Variants in RELL1 observed in about 807,000 individuals in gnomAD.
The protein encoded by RELL1 is RELT-like protein 1.
In RELL1, 10 loss-of-function variants were observed where a neutral mutation model predicts 23.0. The ratio of observed to expected loss-of-function variants is 0.43; its 90% CI spans 0.27 to 0.74. The LOEUF (loss-of-function observed/expected upper bound fraction) is 0.74. Ranked by LOEUF, RELL1 falls within the 30% of genes least tolerant of loss-of-function variation. RELL1 has a pLI of 0.19. For missense variants in RELL1, 315 were observed against 364.4 expected (o/e 0.86, Z 1.10); for synonymous variants, 146 against 146.8 (o/e 0.99, Z 0.04).
intron 1 of RELL1, among the ~76,000 whole-genome samples, chr4:37,682,897 A>G (rs955959584): frequency 6.6e-6 from 1 of 152,250 alleles, no homozygotes; most frequent in Admixed American, 6.5e-5. Flanking sequence ...GGCTATGCCC[A>G]CTGTCTGAGA....
intron 6 of RELL1, among the ~76,000 whole-genome samples, chr4:37,595,071 CTA>C (rs1718785295): frequency 1.3e-5 from 2 of 152,084 alleles, no homozygotes; most frequent in Non-Finnish European, 1.5e-5. Flanking sequence ...TTTTTTTTCT[CTA>C]GATTAAACCT....
chr4:37,663,658 C>T (rs34414475), intron 1 of RELL1, among the ~76,000 whole-genome samples: 89,667 of 152,042 alleles, frequency 0.59, 29,265 homozygotes, highest in East Asian at 0.8. Flanking sequence ...ATGAGGCACA[C>T]GGGTTCAATA....
intron 6 of RELL1, among the ~76,000 whole-genome samples, chr4:37,594,903 G>A (rs1268896023): frequency 1.3e-5 from 2 of 152,218 alleles, no homozygotes; most frequent in South Asian, 2.1e-4. Flanking sequence ...TCGTCTGTGT[G>A]CAACCATGCA....
chr4:37,678,020 AAG>A (rs1379667789), intron 1 of RELL1, among the ~76,000 whole-genome samples: 8 of 152,332 alleles, frequency 5.3e-5, no homozygotes, highest in African/African-American at 1.7e-4. Flanking sequence ...TTTTTAAAAA[AAG>A]AGGTTTAATT....
intron 6 of RELL1, among the ~76,000 whole-genome samples, chr4:37,614,118 A>C (rs570258101): frequency 4.6e-5 from 7 of 152,386 alleles, no homozygotes; most frequent in African/African-American, 1.7e-4. Context: ...CCCAGCTTGC[A>C]GAAATATGAA....
chr4:37,622,946 A>C, intron 6 of RELL1: 1 of 398,694 alleles, frequency 2.5e-6, no homozygotes, highest in South Asian at 1.9e-5. Context: ...CTGGGACTAC[A>C]GGTGCCCGCC....
At chr4:37,667,793 A>C (rs1211293456) in intron 1 of RELL1, among the ~76,000 whole-genome samples, 1 of 152,108 alleles carries the variant, frequency 6.6e-6, no homozygotes, top group Admixed American at 6.5e-5. Flanking sequence ...TTTGTAAGAT[A>C]CAAAATTAAA....
chr4:37,593,330 GTATCAATGACCCACA>G (rs1395248023), intron 6 of RELL1, among the ~76,000 whole-genome samples: 487 of 152,184 alleles, frequency 3.2e-3, no homozygotes, highest in African/African-American at 0.011. Flanking sequence ...ACTGGCCCGT[GTATCAATGACCCACA>G]TATCAATGAC....
At chr4:37,607,100 G>A (rs1025848315), downstream of RELL1, among the ~76,000 whole-genome samples, 8 of 152,180 alleles carry the variant, frequency 5.3e-5, no homozygotes, top group African/African-American at 1.9e-4. Flanking sequence ...CAAAAGAACT[G>A]ATCAGTACAT....
intron 1 of RELL1, among the ~76,000 whole-genome samples, chr4:37,685,811 G>C (rs1428700608): frequency 1.3e-5 from 2 of 152,250 alleles, no homozygotes; most frequent in African/African-American, 4.8e-5. Context: ...TCTGTGTCAC[G>C]ATCTTCCGCT....
downstream of RELL1, among the ~76,000 whole-genome samples, chr4:37,607,290 T>A (rs531511558): frequency 1.3e-5 from 2 of 152,132 alleles, no homozygotes; most frequent in Non-Finnish European, 2.9e-5. Flanking sequence ...CCACTGTTAG[T>A]TTTTTAGTTG....
chr4:37,632,266 G>A (rs1202201900), intron 5 of RELL1, among the ~76,000 whole-genome samples: 2 of 151,762 alleles, frequency 1.3e-5, no homozygotes, highest in Non-Finnish European at 2.9e-5. Context: ...CCACCTCCTG[G>A]GTTTAAGCGA....
chr4:37,604,810 G>GACACACACACACACAC (rs199773530), intron 6 of RELL1, among the ~76,000 whole-genome samples: 14 of 73,612 alleles, frequency 1.9e-4, no homozygotes, highest in Admixed American at 6.1e-4. Context: ...CACACACACA[G>GACACACACACACACAC]ACACACACAC....
At chr4:37,616,850 C>T (rs1271498005) in intron 6 of RELL1, among the ~76,000 whole-genome samples, 1 of 152,184 alleles carries the variant, frequency 6.6e-6, no homozygotes, top group African/African-American at 2.4e-5. Context: ...TGCAGTTACA[C>T]GCTTGCAGGT....
At chr4:37,685,224 C>T (rs535365226) in intron 1 of RELL1, among the ~76,000 whole-genome samples, 18 of 152,284 alleles carry the variant, frequency 1.2e-4, no homozygotes, top group African/African-American at 3.1e-4. Context: ...TGTTGAAAGG[C>T]TTCCAGTTGC....
At chr4:37,675,769 G>C (rs146243649) in intron 1 of RELL1, among the ~76,000 whole-genome samples, 2 of 152,316 alleles carry the variant, frequency 1.3e-5, no homozygotes, top group East Asian at 3.9e-4. Context: ...AAGAAGAGGA[G>C]AGGGGATTCC....
chr4:37,592,301 G>A (rs1172993316), intron 6 of RELL1, among the ~76,000 whole-genome samples: 1 of 150,280 alleles, frequency 6.7e-6, no homozygotes, highest in East Asian at 1.9e-4. Flanking sequence ...AGGATTGCCA[G>A]GGCCAGGAAT....
At chr4:37,614,831 G>T (rs1719522487) in intron 6 of RELL1, among the ~76,000 whole-genome samples, 1 of 152,044 alleles carries the variant, frequency 6.6e-6, no homozygotes, top group Non-Finnish European at 1.5e-5. Flanking sequence ...AAATAACAAC[G>T]TCAAAGGTGG....
intron 6 of RELL1, among the ~76,000 whole-genome samples, chr4:37,593,978 A>G (rs1292232099): frequency 1.3e-5 from 2 of 152,226 alleles, no homozygotes; most frequent in Non-Finnish European, 2.9e-5. Flanking sequence ...CCAGACACAC[A>G]CTTTCGCATT....
Sources: gnomAD v4.1 joint callset for allele counts (sites outside exome capture counted in the v4.1 genomes callset) on GRCh38, gnomAD v4.1.1 for gene constraint, MANE v1.5 for transcripts, NCBI Gene and HGNC (gene_info 2026-07-23, HGNC 2026-07-21) for gene names.